The following NCAM1 variants were observed in gnomAD, a reference collection of about 807,000 sequenced individuals.
NCAM1 encodes the protein neural cell adhesion molecule 1.
Under a neutral mutation model 109.8 loss-of-function variants are expected in NCAM1, and 14 were observed. The observed-to-expected ratio is 0.13, with a 90% confidence interval of 0.08 to 0.20. The LOEUF is 0.20. Ranked by LOEUF, NCAM1 falls within the 10% of genes least tolerant of loss-of-function variation. The pLI, the probability that NCAM1 is intolerant of heterozygous loss-of-function variation, is 1.00. For synonymous variants in NCAM1, 418 were observed against 442.9 expected, an observed-to-expected ratio of 0.94 and a Z score of 0.70; for missense variants, 774 against 1,109.9, an observed-to-expected ratio of 0.70 and a Z score of 4.30.
chr11:113,248,304 C>G (rs1945561951), intron 15 of NCAM1, among the ~76,000 whole-genome samples: 1 of 151,962 alleles, frequency 6.6e-6, no homozygotes, highest in Non-Finnish European at 1.5e-5. Flanking sequence ...GAACCATGTC[C>G]TCATCCATGA....
intron 1 of NCAM1, among the ~76,000 whole-genome samples, chr11:113,045,595 T>C (rs1430718816): frequency 6.6e-6 from 1 of 152,194 alleles, no homozygotes; most frequent in African/African-American, 2.4e-5. Flanking sequence ...ACTGGAGCAT[T>C]AATCTGAGGT....
At chr11:113,008,203 CTT>C (rs1591240523) in intron 1 of NCAM1, among the ~76,000 whole-genome samples, 1 of 152,112 alleles carries the variant, frequency 6.6e-6, no homozygotes, top group East Asian at 1.9e-4. Context: ...AGTTATGACA[CTT>C]TTTGATAGAG....
At chr11:113,051,563 A>G (rs1243295401) in intron 1 of NCAM1, among the ~76,000 whole-genome samples, 1 of 152,138 alleles carries the variant, frequency 6.6e-6, no homozygotes, top group African/African-American at 2.4e-5. Flanking sequence ...TTTGGTGTCT[A>G]TCCTTCACGT....
At chr11:113,164,089 G>A (rs1269907411) in intron 1 of NCAM1, among the ~76,000 whole-genome samples, 3 of 152,090 alleles carry the variant, frequency 2.0e-5, no homozygotes, top group Non-Finnish European at 4.4e-5. Flanking sequence ...GATGCCTCTG[G>A]GTACATGCTC....
intron 1 of NCAM1, among the ~76,000 whole-genome samples, chr11:113,114,869 G>A (rs190438278): frequency 5.3e-5 from 8 of 152,242 alleles, no homozygotes; most frequent in African/African-American, 2.4e-5. Context: ...TGTATCTGAA[G>A]TGCAAATACC....
At chr11:113,062,243 C>T (rs1170440453) in intron 1 of NCAM1, among the ~76,000 whole-genome samples, 1 of 152,180 alleles carries the variant, frequency 6.6e-6, no homozygotes, top group African/African-American at 2.4e-5. Context: ...ATTAAGTGGT[C>T]ACTGTCCATT....
Position 113,153,199 on chromosome 11 carries a change from C to T in NCAM1, c.53-49180C>T, listed in dbSNP as rs147756144. 9.7e-4 allele frequency among the ~76,000 whole-genome samples: 147 copies of T among 152,184 alleles called. 3 individuals carry two copies. The East Asian group carries it at 0.022, about 22-fold the overall frequency. On this transcript the variant is annotated intron_variant, in intron 1 of 19. Transcript: ENST00000316851. Reference sequence around the variant, plus strand: ...CTGGCACTACAGGCACCCGCCACCACGCCCAGCTAATTTTAGTATTTTAAG... The same window carrying T: ...CTGGCACTACAGGCACCCGCCACCATGCCCAGCTAATTTTAGTATTTTAAG...
At chr11:113,209,233 C>T (rs1223131662) in intron 7 of NCAM1, among the ~76,000 whole-genome samples, 3 of 152,166 alleles carry the variant, frequency 2.0e-5, no homozygotes, top group African/African-American at 7.2e-5. Context: ...ACCTGCTTAT[C>T]CAGCCTGATA....
intron 1 of NCAM1, among the ~76,000 whole-genome samples, chr11:112,968,845 CA>C: frequency 6.6e-6 from 1 of 152,240 alleles, no homozygotes; most frequent in South Asian, 2.1e-4. Context: ...CTTAATTCAA[CA>C]AACATTGAAT....
At chr11:113,253,050 AGTGTTCTAACTATGTCAAAT>A (rs543141496) in intron 15 of NCAM1, among the ~76,000 whole-genome samples, 91 of 152,108 alleles carry the variant, frequency 6.0e-4, no homozygotes, top group African/African-American at 2.0e-3. Context: ...TACAAATTAT[AGTGTTCTAACTATGTCAAAT>A]GTGTTCTAAC....
At chr11:113,159,391 T>G (rs1033836979) in intron 1 of NCAM1, among the ~76,000 whole-genome samples, 1 of 152,128 alleles carries the variant, frequency 6.6e-6, no homozygotes, top group Non-Finnish European at 1.5e-5. Context: ...TACTAGATAA[T>G]TAGGCAATAT....
chr11:113,085,056 G>C (rs1939017016), intron 1 of NCAM1, among the ~76,000 whole-genome samples: 1 of 152,158 alleles, frequency 6.6e-6, no homozygotes, highest in African/African-American at 2.4e-5. Flanking sequence ...ACTGTATTGA[G>C]AGTCCTGTTA....
intron 1 of NCAM1, among the ~76,000 whole-genome samples, chr11:113,050,308 T>C (rs73004685): frequency 6.6e-6 from 1 of 152,360 alleles, no homozygotes; most frequent in Non-Finnish European, 1.5e-5. Context: ...TAAGTGCTTA[T>C]GCAATGTAGA....
At chr11:112,966,421 A>G (rs1205336079) in intron 1 of NCAM1, among the ~76,000 whole-genome samples, 1 of 152,216 alleles carries the variant, frequency 6.6e-6, no homozygotes, top group Non-Finnish European at 1.5e-5. Flanking sequence ...GGACCTCTGA[A>G]TCCTAATGAT....
At chr11:113,251,239 C>A (rs1310916390) in intron 15 of NCAM1, among the ~76,000 whole-genome samples, 1 of 152,188 alleles carries the variant, frequency 6.6e-6, no homozygotes, top group Admixed American at 6.5e-5. Context: ...CAATGCTGTC[C>A]AAGTACCCTG....
At chr11:113,063,910 ATC>A (rs576135522) in intron 1 of NCAM1, among the ~76,000 whole-genome samples, 51 of 152,346 alleles carry the variant, frequency 3.3e-4, no homozygotes, top group Non-Finnish European at 7.1e-4. Flanking sequence ...AGAAAGGAGA[ATC>A]TGTATTCTGT....
intron 1 of NCAM1, among the ~76,000 whole-genome samples, chr11:113,136,839 A>G (rs1941618505): frequency 6.6e-6 from 1 of 152,126 alleles, no homozygotes; most frequent in Admixed American, 6.5e-5. Flanking sequence ...CAACAGAGGG[A>G]TAAATGGTCC....
At chr11:113,044,906 A>G (rs11214470) in intron 1 of NCAM1, among the ~76,000 whole-genome samples, 17,652 of 151,898 alleles carry the variant, frequency 0.12, 1,205 homozygotes, top group South Asian at 0.25. Flanking sequence ...GGCACCCGCC[A>G]CGACGCCTGG....
intron 1 of NCAM1, among the ~76,000 whole-genome samples, chr11:113,131,093 C>T (rs1555098232): frequency 3.3e-5 from 5 of 152,146 alleles, no homozygotes; most frequent in South Asian, 2.1e-4. Flanking sequence ...CAGTTGCCTC[C>T]GTATTCATAT....
Sources: gnomAD v4.1 joint callset for allele counts (sites outside exome capture counted in the v4.1 genomes callset) on GRCh38, gnomAD v4.1.1 for gene constraint, MANE v1.5 for transcripts, NCBI Gene and HGNC (gene_info 2026-07-23, HGNC 2026-07-21) for gene names.